Variants in AMD1 observed in about 807,000 individuals in gnomAD.
AMD1 encodes the protein adenosylmethionine decarboxylase 1.
A neutral mutation model predicts 40.2 loss-of-function variants in AMD1; 11 were observed. That is an observed-to-expected ratio of 0.27 (90% CI 0.17 to 0.45). The LOEUF (loss-of-function observed/expected upper bound fraction) is 0.45, where lower values mean the gene tolerates loss of function less well. Ranked by LOEUF, AMD1 falls within the 20% of genes least tolerant of loss-of-function variation. The pLI, the probability that AMD1 is intolerant of heterozygous loss-of-function variation, is 1.00. For synonymous variants in AMD1, 121 were observed against 130.8 expected, an observed-to-expected ratio of 0.93 and a Z score of 0.51; for missense variants, 257 against 410.2, an observed-to-expected ratio of 0.63 and a Z score of 3.23.
At chr6:110,815,699 C>T in the AMD1 span, 1 of 152,682 alleles carries the variant, frequency 6.5e-6, no homozygotes, top group Admixed American at 6.5e-5. Flanking sequence ...AGTGTGCTTT[C>T]TGCGGTTCTC....
chr6:110,862,680 G>C, the AMD1 span, among the ~76,000 whole-genome samples: 1 of 149,436 alleles, frequency 6.7e-6, no homozygotes, highest in Non-Finnish European at 1.5e-5. Context: ...AAGTTGGCCA[G>C]CCTGGTCTTG....
At chr6:110,815,140 C>T in the AMD1 span, 2 of 1,591,744 alleles carry the variant, frequency 1.3e-6, no homozygotes, top group South Asian at 2.3e-5. Context: ...AATCCATTGT[C>T]TGCTTCCCCC....
upstream of AMD1, among the ~76,000 whole-genome samples, chr6:110,870,636 A>G (rs762839922): frequency 2.6e-5 from 4 of 152,174 alleles, no homozygotes; most frequent in Non-Finnish European, 5.9e-5. Flanking sequence ...AACAAAAACA[A>G]TAACAAAACA....
chr6:110,814,789 G>A, the AMD1 span: 1 of 686,254 alleles, frequency 1.5e-6, no homozygotes, highest in Non-Finnish European at 2.6e-6. Context: ...CGACGCCTCG[G>A]ACCGGGCTGC....
chr6:110,857,978 G>A, the AMD1 span, among the ~76,000 whole-genome samples: 2 of 151,804 alleles, frequency 1.3e-5, no homozygotes, highest in Admixed American at 1.3e-4. Context: ...GGGACTACAG[G>A]CGCTTGCCAC....
intron 1 of AMD1, among the ~76,000 whole-genome samples, chr6:110,882,859 C>T (rs1441707897): frequency 6.6e-6 from 1 of 152,170 alleles, no homozygotes; most frequent in Non-Finnish European, 1.5e-5. Context: ...TGGCACGTGC[C>T]TATAATCCTA....
the AMD1 span, among the ~76,000 whole-genome samples, chr6:110,855,634 C>T: frequency 7.9e-5 from 12 of 152,186 alleles, no homozygotes; most frequent in African/African-American, 2.6e-4. Flanking sequence ...TCCCTGCTCC[C>T]GACCAGTTTA....
the AMD1 span, among the ~76,000 whole-genome samples, chr6:110,842,662 C>T: frequency 3.3e-5 from 5 of 152,266 alleles, no homozygotes; most frequent in East Asian, 5.8e-4. Flanking sequence ...ATCTCAGACC[C>T]TTCATAGTTT....
chr6:110,862,232 T>TA, the AMD1 span, among the ~76,000 whole-genome samples: 48 of 151,784 alleles, frequency 3.2e-4, no homozygotes, highest in Non-Finnish European at 5.6e-4. Flanking sequence ...CTCCAATTTT[T>TA]AAAAAATCTC....
chr6:110,844,638 G>T, the AMD1 span, among the ~76,000 whole-genome samples: 1 of 151,740 alleles, frequency 6.6e-6, no homozygotes, highest in African/African-American at 2.4e-5. Flanking sequence ...AAAATTAGCC[G>T]GGTGTGGTGG....
the AMD1 span, among the ~76,000 whole-genome samples, chr6:110,827,957 C>T: frequency 2.0e-5 from 3 of 151,988 alleles, no homozygotes; most frequent in Admixed American, 6.6e-5. Flanking sequence ...TTTCCTAAAT[C>T]GTGTGTGGAA....
the AMD1 span, among the ~76,000 whole-genome samples, chr6:110,864,856 A>T: frequency 6.6e-6 from 1 of 152,256 alleles, no homozygotes; most frequent in African/African-American, 2.4e-5. Flanking sequence ...AATAACACAC[A>T]GATACCTTTG....
chr6:110,860,253 C>CT, the AMD1 span, among the ~76,000 whole-genome samples: 5 of 152,098 alleles, frequency 3.3e-5, no homozygotes, highest in Admixed American at 1.3e-4. Context: ...CCCAGGGGCC[C>CT]TACCCCATGA....
chr6:110,837,975 T>C, the AMD1 span, among the ~76,000 whole-genome samples: 1 of 145,398 alleles, frequency 6.9e-6, no homozygotes, highest in Admixed American at 7.1e-5. Context: ...GGCAGGAGAA[T>C]AACTTGAACC....
chr6:110,875,987 A>G (rs1785086786), intron 1 of AMD1, among the ~76,000 whole-genome samples: 1 of 152,038 alleles, frequency 6.6e-6, no homozygotes, highest in Non-Finnish European at 1.5e-5. Context: ...TGGGTTGTGT[A>G]ACCTGCTACG....
the AMD1 span, among the ~76,000 whole-genome samples, chr6:110,846,614 G>A: frequency 6.6e-6 from 1 of 152,158 alleles, no homozygotes; most frequent in Non-Finnish European, 1.5e-5. Context: ...GCTCACACCT[G>A]TAATCCCAGC....
the AMD1 span, among the ~76,000 whole-genome samples, chr6:110,832,491 A>G: frequency 6.6e-6 from 1 of 152,046 alleles, no homozygotes; most frequent in Admixed American, 6.6e-5. Flanking sequence ...TCTGAAGTCT[A>G]TTCCTGCACT....
chr6:110,877,082 A>G (rs903934460), intron 1 of AMD1, among the ~76,000 whole-genome samples: 3 of 152,224 alleles, frequency 2.0e-5, no homozygotes, highest in Non-Finnish European at 4.4e-5. Flanking sequence ...TACTTTAATC[A>G]GCCCAAATTG....
chr6:110,891,542 C>G (rs1786015377), intron 4 of AMD1: 1 of 153,706 alleles, frequency 6.5e-6, no homozygotes, highest in Non-Finnish European at 1.4e-5. Flanking sequence ...TCCTTACTTC[C>G]TAGATAAGGC....
Sources: allele counts gnomAD v4.1 joint callset (sites outside exome capture counted in the v4.1 genomes callset), GRCh38; gene constraint gnomAD v4.1.1; transcripts MANE v1.5; gene names NCBI Gene and HGNC (gene_info 2026-07-23, HGNC 2026-07-21).